The following GNPTG variants were observed in gnomAD, a reference collection of about 807,000 sequenced individuals.
The protein encoded by GNPTG is N-acetylglucosamine-1-phosphotransferase subunit gamma.
GNPTG carries 46 observed loss-of-function variants against 43.8 expected under a neutral mutation model. The observed-to-expected ratio is 1.05, with a 90% CI of 0.83 to 1.34. The LOEUF is 1.34. Ranked by LOEUF, GNPTG falls within the 40% of genes most tolerant of loss-of-function variation. The pLI, the probability that GNPTG is intolerant of heterozygous loss-of-function variation, is 0.00. For synonymous variants in GNPTG, 250 were observed against 172.8 expected, an observed-to-expected ratio of 1.45 and a Z score of -3.50; for missense variants, 549 against 411.3, an observed-to-expected ratio of 1.33 and a Z score of -2.90.
At position 1,351,986 on chromosome 16, in the gene GNPTG, G is replaced by C. The variant is rs977124651; in HGVS notation, c.21G>C (p.Arg7=). ...GCGCGATGGCGGCGGGGCTGGCGCG[G>C]CTCCTGTTGCTCCTCGGGCTCTCGG... MAAGLA[R]LLLLLGLSAG... The change falls in exon 1 of 11, where the codon CGG becomes CGC. Residue 7 remains arginine, a synonymous_variant. Coordinates refer to ENST00000204679, the MANE Select transcript of GNPTG (RefSeq NM_032520.5). The C allele has an allele frequency of 7.1e-7, 1 of 1,403,588 alleles. No homozygotes were observed. Among genetic ancestry groups the C allele is most frequent in the Non-Finnish European group, 9.3e-7 (1 of 1,080,982 alleles). 86.9% of individuals were successfully genotyped at this position (1,403,588 alleles called of 1,614,324 possible).
chr16:1,356,452 C>T (rs1334204814), intron 3 of GNPTG, among the ~76,000 whole-genome samples: 3 of 152,170 alleles, frequency 2.0e-5, no homozygotes. Context: ...GGGCCAGCCC[C>T]CACCTGTCTC....
Position 1,361,927 on chromosome 16 carries a change from C to G in GNPTG, c.289C>G (p.Arg97Gly), listed in dbSNP as rs753385216. 6.2e-7 allele frequency: 1 copy of G among 1,613,658 alleles called. No individual in the cohort carries two copies. Among genetic ancestry groups the G allele is most frequent in the South Asian group, 1.1e-5 (1 of 91,092 alleles). ...HNVTQHEQTF[R>G]WNAYSGILGI... ...CGTGACCCAGCACGAGCAGACCTTC[C>G]GCTGGAACGCCTACAGTGGGATCCT... is the stretch of plus-strand genomic sequence containing the variant. Residue 97 changes from arginine to glycine, a missense_variant, in exon 5 of 11, where the codon CGC becomes GGC. Physicochemically the swap from Arg to Gly is moderately radical, Grantham distance 125. Coordinates refer to ENST00000204679, the MANE Select transcript of GNPTG (RefSeq NM_032520.5).
chr16:1,358,282 TG>T (rs1374708202), intron 3 of GNPTG: 1 of 152,388 alleles, frequency 6.6e-6, no homozygotes, highest in Non-Finnish European at 1.5e-5. Flanking sequence ...GACTCCCAGC[TG>T]CCCCGCTCCC....
At chr16:1,352,193 G>A in intron 2 of GNPTG, 34 bp downstream of exon 2, 1 of 1,554,038 alleles carries the variant, frequency 6.4e-7, no homozygotes, top group South Asian at 1.2e-5. Context: ...GCTCGAGCGG[G>A]GGACGGCCCG....
chr16:1,352,749 T>A (rs2034707408), intron 3 of GNPTG, among the ~76,000 whole-genome samples: 1 of 152,154 alleles, frequency 6.6e-6, no homozygotes, highest in Non-Finnish European at 1.5e-5. Flanking sequence ...CAGCACGCGA[T>A]AGGATGGCAC....
chr16:1,352,403 C>A, intron 3 of GNPTG, 97 bp downstream of exon 3: 1 of 1,214,318 alleles, frequency 8.2e-7, no homozygotes, highest in South Asian at 1.3e-5. Context: ...GGCCCGGAGT[C>A]TAAAGCATTG....
intron 3 of GNPTG, among the ~76,000 whole-genome samples, chr16:1,355,090 C>G (rs1373979636): frequency 1.3e-5 from 2 of 151,178 alleles, no homozygotes; most frequent in African/African-American, 2.4e-5. Context: ...TGGATGGTCT[C>G]CCGCGTCTGC....
At chr16:1,355,698 C>T (rs1163997108) in intron 3 of GNPTG, among the ~76,000 whole-genome samples, 3 of 134,364 alleles carry the variant, frequency 2.2e-5, no homozygotes, top group East Asian at 2.4e-4. Context: ...AGCTCTGCCT[C>T]GGTGGCGGTG....
Position 1,352,233 on chromosome 16 carries a change from C to T in GNPTG, c.111-6C>T. 3 of 1,549,330 alleles carry T rather than the reference C, an allele frequency of 1.9e-6. No homozygotes were observed. The highest frequency in any genetic ancestry group is 2.6e-6 in the Non-Finnish European group (3 of 1,147,276). On this transcript the variant is annotated splice_region_variant and splice_polypyrimidine_tract_variant and intron_variant, in intron 2 of 10. Transcript: ENST00000204679. ...CGTTCCCCGCTGACCTTGCCGCTTC[C>T]CGTAGGGTGAACAACCCGTTCTTGC... is the stretch of plus-strand genomic sequence containing the variant.
chr16:1,361,501 G>A (rs879736662), intron 3 of GNPTG: 43 of 473,908 alleles, frequency 9.1e-5, no homozygotes, highest in Non-Finnish European at 1.4e-4. Flanking sequence ...AAAATTAGCC[G>A]GGCATGGTGG....
intron 3 of GNPTG, among the ~76,000 whole-genome samples, chr16:1,355,974 G>A (rs1368286292): frequency 6.6e-6 from 1 of 152,086 alleles, no homozygotes; most frequent in East Asian, 1.9e-4. Flanking sequence ...CGGAGGGTGA[G>A]GGTGAGGTCC....
At chr16:1,357,483 T>TTTA (rs113850025) in intron 3 of GNPTG, among the ~76,000 whole-genome samples, 22,964 of 150,514 alleles carry the variant, frequency 0.15, 2,188 homozygotes, top group Non-Finnish European at 0.21. Context: ...GTATTTCGAC[T>TTTA]TTATTATTAT....
chr16:1,352,024 G>T lies in GNPTG; in HGVS notation c.52+7G>T. On this transcript the variant is annotated splice_region_variant and intron_variant, in intron 1 of 10. Coordinates refer to ENST00000204679, the MANE Select transcript of GNPTG (RefSeq NM_032520.5). ...CTCGGGCTCTCGGCCGGCGGTGAGT[G>T]GCCCGGCCGTCCGCGTCCCCAGGCC... is the stretch of plus-strand genomic sequence containing the variant. The T allele has an allele frequency of 6.7e-7, 1 of 1,485,886 alleles. No homozygotes were observed. Among genetic ancestry groups the T allele is most frequent in the Non-Finnish European group, 8.9e-7 (1 of 1,123,642 alleles). The allele number at this position is 1,485,886 out of a possible 1,614,324, so 92.0% of individuals were successfully genotyped here.
intron 3 of GNPTG, 175 bp from the exon 4 acceptor site, chr16:1,361,568 T>TCC: frequency 1.5e-6 from 1 of 656,492 alleles, no homozygotes; most frequent in Non-Finnish European, 2.7e-6. Flanking sequence ...GGCGTGAACA[T>TCC]GGGAGGCGGA....
In GNPTG at chr16:1,362,596, A is replaced by T. The variant is rs2034923893; in HGVS notation, c.610-15A>T. 6.2e-7 allele frequency: 1 copy of T among 1,614,042 alleles called. No individual in the cohort carries two copies. The highest frequency in any genetic ancestry group is 8.5e-7 in the Non-Finnish European group (1 of 1,180,036). The stretch of plus-strand genomic sequence containing the variant: ...GCTGGGAGCTGGGTGCTGCCCCTGC[A>T]TCCTCCACCTTCAGGGCCATGAGAA... On this transcript the variant is annotated splice_polypyrimidine_tract_variant and intron_variant, in intron 8 of 10. Transcript: ENST00000204679.
chr16:1,351,937 C>G lies in GNPTG; in HGVS notation c.-29C>G. The stretch of plus-strand genomic sequence containing the variant: ...CCGTGGTCACGTGACCGTCACTTCA[C>G]GTGACCGCGCGGCGGCCGCTGCGGC... On this transcript the variant is annotated 5_prime_UTR_variant, in exon 1 of 11. Coordinates refer to ENST00000204679, the MANE Select transcript of GNPTG (RefSeq NM_032520.5). 7.8e-7 allele frequency: 1 copy of G among 1,277,924 alleles called. No homozygotes were observed. 79.2% of individuals were successfully genotyped at this position (1,277,924 alleles called of 1,614,324 possible). A position where few individuals can be genotyped will look rare whatever the true frequency, so the allele number is the denominator to read the frequency against.
At chr16:1,356,658 C>CCTCCAA (rs1234651279) in intron 3 of GNPTG, among the ~76,000 whole-genome samples, 5 of 152,200 alleles carry the variant, frequency 3.3e-5, no homozygotes, top group South Asian at 2.1e-4. Context: ...CAGGCAGAGG[C>CCTCCAA]CTCCTCCCAG....
At chr16:1,352,383 T>A in intron 3 of GNPTG, 77 bp downstream of exon 3, 1 of 1,390,752 alleles carries the variant, frequency 7.2e-7, no homozygotes, top group Non-Finnish European at 1.0e-6. Flanking sequence ...TGAGTGACCC[T>A]GAGAGTTACG....
In GNPTG at chr16:1,362,463, C is replaced by G. The variant is rs776105074; in HGVS notation, c.538C>G (p.Leu180Val). The part of the protein sequence containing the change: ...HPHALLVYPT[L>V]PEALQRQWDQ... ...TCTTGGGTCCTCAGTGTACCCAACC[C>G]TGCCAGAGGCCCTGCAGCGGCAGTG... is the stretch of plus-strand genomic sequence containing the variant. The change falls in exon 8 of 11, where the codon CTG becomes GTG. Residue 180 changes from leucine to valine, a missense_variant. Coordinates refer to ENST00000204679, the MANE Select transcript of GNPTG (RefSeq NM_032520.5). 7 of 1,613,892 alleles carry G rather than the reference C, an allele frequency of 4.3e-6. No individual in the cohort carries two copies. The African/African-American group carries it at 8.0e-5, about 18-fold the overall frequency.
Sources: allele counts gnomAD v4.1 joint callset (sites outside exome capture counted in the v4.1 genomes callset), GRCh38; gene constraint gnomAD v4.1.1; transcripts MANE v1.5; gene names NCBI Gene and HGNC (gene_info 2026-07-23, HGNC 2026-07-21).